The following DLGAP2 variants were observed in gnomAD, a reference collection of about 807,000 sequenced individuals.
DLGAP2 encodes the protein DLG associated protein 2, also known as disks large-associated protein 2.
Under a neutral mutation model 100.3 loss-of-function variants are expected in DLGAP2, and 26 were observed. The observed-to-expected ratio is 0.26, with a 90% CI of 0.19 to 0.36. DLGAP2 has a LOEUF of 0.36. DLGAP2 is among the 10% of genes least tolerant of loss of function. The pLI is 1.00. For synonymous variants in DLGAP2, 886 were observed against 630.1 expected, an observed-to-expected ratio of 1.41 and a Z score of -6.08; for missense variants, 1,858 against 1,453.2, an observed-to-expected ratio of 1.28 and a Z score of -4.53.
chr8:1,626,829 G>A lies in DLGAP2; in HGVS notation c.1532G>A (p.Arg511Gln), dbSNP rs776134268. 5 of 1,607,016 alleles carry A rather than the reference G, an allele frequency of 3.1e-6. No individual in the cohort carries two copies. Among genetic ancestry groups the A allele is most frequent in the East Asian group, 2.2e-5 (1 of 44,540 alleles). ...ANYNSPKFRS[R>Q]NQSYMRAVST... is the part of the protein sequence containing the mutation. ...TACAACTCCCCGAAATTCCGCTCCC[G>A]GAACCAGAGCTACATGAGGGCCGTC... is the stretch of plus-strand genomic sequence containing the variant. The change falls in exon 7 of 15, where the codon CGG becomes CAG. Residue 511 changes from arginine to glutamine, a missense_variant. Arg to Gln is a conservative substitution (Grantham distance 43, BLOSUM62 1). Transcript: ENST00000637795.
intron 8 of DLGAP2, among the ~76,000 whole-genome samples, chr8:1,661,987 A>G (rs1798419129): frequency 6.6e-6 from 1 of 152,140 alleles, no homozygotes; most frequent in South Asian, 2.1e-4. Context: ...CACGCTCCTT[A>G]CAGTATGGTG....
At chr8:1,679,753 G>A (rs552167500) in intron 12 of DLGAP2, among the ~76,000 whole-genome samples, 41 of 152,236 alleles carry the variant, frequency 2.7e-4, no homozygotes, top group African/African-American at 8.4e-4. Flanking sequence ...AGGCTGAGGC[G>A]GGTGGATGGC....
At chr8:1,457,880 G>T (rs373254639) in intron 3 of DLGAP2, among the ~76,000 whole-genome samples, 1 of 150,400 alleles carries the variant, frequency 6.6e-6, no homozygotes, top group Admixed American at 6.7e-5. Flanking sequence ...ATTTTCAAGG[G>T]CATGCACATT....
chr8:1,194,613 A>G (rs1797710746), intron 2 of DLGAP2, among the ~76,000 whole-genome samples: 1 of 152,150 alleles, frequency 6.6e-6, no homozygotes, highest in Non-Finnish European at 1.5e-5. Flanking sequence ...AGCAGGGAAG[A>G]TTCTGGAAGC....
intron 3 of DLGAP2, among the ~76,000 whole-genome samples, chr8:1,304,167 G>T (rs534853660): frequency 6.6e-6 from 1 of 152,330 alleles, no homozygotes; most frequent in African/African-American, 2.4e-5. Context: ...CATGGGAGCA[G>T]GCCAGCGTGT....
intron 2 of DLGAP2, among the ~76,000 whole-genome samples, chr8:1,188,852 A>G (rs771454123): frequency 2.6e-5 from 4 of 152,126 alleles, no homozygotes; most frequent in African/African-American, 7.2e-5. Context: ...ATGACTTGTC[A>G]CTCCAAAAAG....
chr8:1,681,300 C>T (rs1798937964), intron 12 of DLGAP2, among the ~76,000 whole-genome samples: 1 of 151,460 alleles, frequency 6.6e-6, no homozygotes, highest in Non-Finnish European at 1.5e-5. Context: ...TTCATTTTTT[C>T]AAGGATTATC....
intron 3 of DLGAP2, among the ~76,000 whole-genome samples, chr8:1,414,247 G>A (rs141492397): frequency 1.4e-4 from 21 of 152,344 alleles, no homozygotes; most frequent in Non-Finnish European, 2.2e-4. Flanking sequence ...GGGGTGTTCT[G>A]TGGACTCTTG....
intron 3 of DLGAP2, among the ~76,000 whole-genome samples, chr8:1,303,595 T>C (rs995863711): frequency 1.3e-5 from 2 of 152,084 alleles, no homozygotes; most frequent in African/African-American, 4.8e-5. Context: ...TGTAACTCTC[T>C]CTTAACGGAG....
intron 3 of DLGAP2, among the ~76,000 whole-genome samples, chr8:1,451,527 G>T (rs148375226): frequency 6.6e-6 from 1 of 151,866 alleles, no homozygotes; most frequent in African/African-American, 2.4e-5. Context: ...CCCATAAACC[G>T]CCTTAATCCT....
At chr8:790,025 G>C (rs1280040555) in intron 1 of DLGAP2, among the ~76,000 whole-genome samples, 2 of 152,238 alleles carry the variant, frequency 1.3e-5, no homozygotes, top group Non-Finnish European at 2.9e-5. Flanking sequence ...TCATGGGACG[G>C]ACGACGTCAG....
At chr8:1,445,103 T>C (rs1797948334) in intron 3 of DLGAP2, among the ~76,000 whole-genome samples, 2 of 149,706 alleles carry the variant, frequency 1.3e-5, no homozygotes. Flanking sequence ...TAATTATTAT[T>C]ATACTCTAAG....
chr8:738,270 C>T (rs1324038118), intron 1 of DLGAP2, among the ~76,000 whole-genome samples: 1 of 151,176 alleles, frequency 6.6e-6, no homozygotes, highest in Non-Finnish European at 1.5e-5. Flanking sequence ...CCCCCAAGCC[C>T]GGGTGGAAAC....
In DLGAP2 at chr8:846,482, G is replaced by C. The variant is rs181968152; in HGVS notation, c.19-61430G>C. ...GTGAAAGGATTCCACTTTTATGGCT[G>C]AATAGTATTCCACTGTCTATAAGTA... On this transcript the variant is annotated intron_variant, in intron 1 of 14. Coordinates refer to ENST00000637795, the MANE Select transcript of DLGAP2 (RefSeq NM_001346810.2). Among the ~76,000 whole-genome samples, 201 of 152,294 alleles carry C rather than the reference G, an allele frequency of 1.3e-3. 1 individual carries two copies. Among genetic ancestry groups the C allele is most frequent in the African/African-American group, 4.5e-3 (185 of 41,548 alleles).
chr8:920,532 G>C (rs1441971991), intron 2 of DLGAP2, among the ~76,000 whole-genome samples: 1 of 152,080 alleles, frequency 6.6e-6, no homozygotes, highest in Non-Finnish European at 1.5e-5. Context: ...GAGGTGAGTG[G>C]ATTGCTTGAG....
intron 1 of DLGAP2, among the ~76,000 whole-genome samples, chr8:854,116 T>C (rs1000130068): frequency 3.3e-5 from 5 of 152,140 alleles, no homozygotes; most frequent in Non-Finnish European, 1.5e-5. Context: ...GGGAGATGAA[T>C]TCCCGTTTCT....
At chr8:1,500,043 C>A (rs958265039) in intron 3 of DLGAP2, among the ~76,000 whole-genome samples, 3 of 152,152 alleles carry the variant, frequency 2.0e-5, no homozygotes, top group African/African-American at 7.2e-5. Context: ...TATTGGAAAC[C>A]CACATATGTG....
At chr8:1,202,548 C>A (rs139618869) in intron 2 of DLGAP2, among the ~76,000 whole-genome samples, 115 of 152,280 alleles carry the variant, frequency 7.6e-4, no homozygotes, top group African/African-American at 2.5e-3. Flanking sequence ...AGTCCATTTT[C>A]TAATGCAGAG....
At chr8:1,257,106 G>A (rs370086921) in intron 2 of DLGAP2, among the ~76,000 whole-genome samples, 69 of 152,230 alleles carry the variant, frequency 4.5e-4, no homozygotes, top group South Asian at 2.1e-3. Flanking sequence ...ACCCCGAGGC[G>A]TGTGGGTCTG....
Sources: gnomAD v4.1 joint callset for allele counts (sites outside exome capture counted in the v4.1 genomes callset) on GRCh38, gnomAD v4.1.1 for gene constraint, MANE v1.5 for transcripts, NCBI Gene and HGNC (gene_info 2026-07-23, HGNC 2026-07-21) for gene names.